IMMP2L: variants seen among roughly 807,000 people sequenced by gnomAD.
IMMP2L encodes inner mitochondrial membrane peptidase subunit 2.
IMMP2L carries 18 observed loss-of-function variants against 19.3 expected under a neutral mutation model. The observed-to-expected ratio is 0.93, with a 90% CI of 0.64 to 1.38. The LOEUF is 1.38. Among genes scored for constraint, IMMP2L ranks in the 40% most tolerant of loss-of-function variants. The pLI, the probability that IMMP2L is intolerant of heterozygous loss-of-function variation, is 0.00. For missense variants in IMMP2L, 233 were observed against 218.2 expected (o/e 1.07, Z -0.43); for synonymous variants, 76 against 73.0 (o/e 1.04, Z -0.21).
At chr7:111,379,449 G>C (rs1830992665) in intron 3 of IMMP2L, among the ~76,000 whole-genome samples, 2 of 151,668 alleles carry the variant, frequency 1.3e-5, no homozygotes, top group African/African-American at 4.8e-5. Flanking sequence ...TGTTTACATG[G>C]TGAAATGAAA....
chr7:111,492,180 C>T (rs1035352755), intron 2 of IMMP2L, among the ~76,000 whole-genome samples: 6 of 151,786 alleles, frequency 4.0e-5, no homozygotes, highest in South Asian at 2.1e-4. Flanking sequence ...TTTTTGAGAT[C>T]GAGCACTTTG....
chr7:111,357,423 G>T (rs1828827702), intron 3 of IMMP2L, among the ~76,000 whole-genome samples: 1 of 151,986 alleles, frequency 6.6e-6, no homozygotes. Flanking sequence ...ATCCTCAAAT[G>T]ACCATGAAAT....
intron 3 of IMMP2L, among the ~76,000 whole-genome samples, chr7:111,260,865 C>A (rs1232371459): frequency 6.6e-6 from 1 of 151,862 alleles, no homozygotes; most frequent in African/African-American, 2.4e-5. Flanking sequence ...TAAAAACAGA[C>A]CAGCTTAAAT....
chr7:111,287,593 A>G (rs1338951213), intron 3 of IMMP2L, among the ~76,000 whole-genome samples: 1 of 151,812 alleles, frequency 6.6e-6, no homozygotes, highest in Non-Finnish European at 1.5e-5. Context: ...AATTGGCAAT[A>G]TTTTTCTCAA....
chr7:110,713,254 T>C (rs1562931400), intron 5 of IMMP2L, among the ~76,000 whole-genome samples: 1 of 152,210 alleles, frequency 6.6e-6, no homozygotes, highest in Non-Finnish European at 1.5e-5. Flanking sequence ...CTCTATTCTG[T>C]TCCATTGGTC....
At chr7:111,136,049 G>A (rs962539927) in intron 3 of IMMP2L, among the ~76,000 whole-genome samples, 1 of 148,476 alleles carries the variant, frequency 6.7e-6, no homozygotes, top group Non-Finnish European at 1.5e-5. Flanking sequence ...TTTTTTTTGA[G>A]ACGGAGTCTT....
intron 5 of IMMP2L, chr7:110,724,170 C>T (rs532684672): frequency 2.6e-4 from 39 of 152,142 alleles, no homozygotes; most frequent in South Asian, 4.2e-4. Context: ...CTTTTAAGCA[C>T]GGATAATTAA....
At chr7:111,263,458 G>A (rs1817527375) in intron 3 of IMMP2L, among the ~76,000 whole-genome samples, 1 of 152,074 alleles carries the variant, frequency 6.6e-6, no homozygotes. Flanking sequence ...GAGAACCATG[G>A]GAAACAGCTT....
intron 5 of IMMP2L, among the ~76,000 whole-genome samples, chr7:110,864,294 C>T (rs117852267): frequency 1.5e-4 from 23 of 151,848 alleles, no homozygotes; most frequent in Non-Finnish European, 2.4e-4. Context: ...TTTAAAACAA[C>T]AGTAGAAATG....
At chr7:111,505,627 A>C (rs950492807) in intron 2 of IMMP2L, among the ~76,000 whole-genome samples, 3 of 152,186 alleles carry the variant, frequency 2.0e-5, no homozygotes, top group African/African-American at 7.2e-5. Flanking sequence ...ACACCATGGA[A>C]TACTATGCAG....
At chr7:111,367,538 G>C (rs561019067) in intron 3 of IMMP2L, among the ~76,000 whole-genome samples, 1 of 151,330 alleles carries the variant, frequency 6.6e-6, no homozygotes, top group Admixed American at 6.6e-5. Context: ...CAGAATTATA[G>C]CTAACATTTA....
chr7:111,097,341 A>G (rs1395353584), intron 3 of IMMP2L: 1 of 151,928 alleles, frequency 6.6e-6, no homozygotes, highest in Non-Finnish European at 1.5e-5. Flanking sequence ...AATAGTAGAT[A>G]TTTTAACTAT....
At chr7:110,664,175 T>C (rs555537358) in intron 5 of IMMP2L, among the ~76,000 whole-genome samples, 48 of 152,210 alleles carry the variant, frequency 3.2e-4, no homozygotes, top group South Asian at 2.3e-3. Flanking sequence ...TTCTCAGAGT[T>C]TCCCGCAGAG....
chr7:111,311,540 C>T (rs1410483099), intron 3 of IMMP2L, among the ~76,000 whole-genome samples: 2 of 152,054 alleles, frequency 1.3e-5, no homozygotes, highest in Non-Finnish European at 2.9e-5. Context: ...ACACTGGGGA[C>T]AACTTGAAGA....
At chr7:110,929,239 A>G (rs1167224138) in intron 4 of IMMP2L, among the ~76,000 whole-genome samples, 1 of 152,204 alleles carries the variant, frequency 6.6e-6, no homozygotes. Flanking sequence ...TAAGTTCTGT[A>G]TCTCATAATT....
chr7:111,116,998 C>A (rs1315086942), intron 3 of IMMP2L, among the ~76,000 whole-genome samples: 1 of 152,088 alleles, frequency 6.6e-6, no homozygotes, highest in Non-Finnish European at 1.5e-5. Flanking sequence ...ACTGGTTAGT[C>A]TGCCTTAATT....
chr7:111,182,620 G>A (rs1807832392), intron 3 of IMMP2L, among the ~76,000 whole-genome samples: 1 of 151,824 alleles, frequency 6.6e-6, no homozygotes, highest in Non-Finnish European at 1.5e-5. Flanking sequence ...TTTTTTTCAA[G>A]TGGTATTAAA....
intron 3 of IMMP2L, among the ~76,000 whole-genome samples, chr7:110,996,151 A>G (rs938815738): frequency 6.6e-6 from 1 of 152,164 alleles, no homozygotes; most frequent in Non-Finnish European, 1.5e-5. Context: ...AAGTGCTATG[A>G]CAAGTCAAAA....
At chr7:111,415,758 T>C (rs553521475) in intron 3 of IMMP2L, among the ~76,000 whole-genome samples, 2 of 151,876 alleles carry the variant, frequency 1.3e-5, no homozygotes, top group East Asian at 3.9e-4. Context: ...AGGAAGTAAT[T>C]TAGGAATAAA....
Sources: gnomAD v4.1 joint callset for allele counts (sites outside exome capture counted in the v4.1 genomes callset) on GRCh38, gnomAD v4.1.1 for gene constraint, MANE v1.5 for transcripts, NCBI Gene and HGNC (gene_info 2026-07-23, HGNC 2026-07-21) for gene names.